The following PRKDC variants were observed in gnomAD, a reference collection of about 807,000 sequenced individuals.
The protein encoded by PRKDC is protein kinase, DNA-activated, catalytic subunit.
A neutral mutation model predicts 486.9 loss-of-function variants in PRKDC; 82 were observed. The observed-to-expected ratio is 0.17, with a 90% CI of 0.14 to 0.20. PRKDC has a LOEUF of 0.20. Ranked by LOEUF, PRKDC falls within the 10% of genes least tolerant of loss-of-function variation. The probability of loss-of-function intolerance (pLI) is 1.00; values close to 1 mark genes in which losing one functional copy is unlikely to be tolerated. For synonymous variants in PRKDC, 1,895 were observed against 1,837.0 expected (o/e 1.03, Z -0.81); for missense variants, 4,504 against 5,038.2 (o/e 0.89, Z 3.21).
chr8:47,856,921 A>G (rs2088554530), intron 49 of PRKDC, among the ~76,000 whole-genome samples: 2 of 152,252 alleles, frequency 1.3e-5, no homozygotes, highest in African/African-American at 2.4e-5. Context: ...AAACAAAACA[A>G]ACACCTGACA....
At chr8:47,904,806 T>C (rs2089744508) in intron 26 of PRKDC, 63 bp downstream of exon 26, 4 of 1,281,308 alleles carry the variant, frequency 3.1e-6, no homozygotes, top group African/African-American at 1.5e-5. Flanking sequence ...CATAAATAAA[T>C]AAACAAACAT....
Position 47,912,471 on chromosome 8 carries a change from A to G in PRKDC, c.2873T>C (p.Met958Thr), listed in dbSNP as rs1270327485. The change falls in exon 25 of 86, where the codon ATG becomes ACG. Residue 958 changes from methionine to threonine, a missense_variant. By Grantham distance (81) the Met-to-Thr change is moderately conservative (BLOSUM62 -1). Transcript: ENST00000314191. ...AAACGTCCGCTTATAGAGCTGGTAC[A>G]TGGGTGGGGCTCCCTGTCCCCCTTC... ...MPEGGQGAPP[M>T]YQLYKRTFPV... is the part of the protein sequence containing the mutation. 4 of 1,612,716 alleles carry G rather than the reference A, an allele frequency of 2.5e-6. No homozygotes were observed. The highest frequency in any genetic ancestry group is 1.3e-5 in the African/African-American group (1 of 74,898).
At position 47,858,955 on chromosome 8, in the gene PRKDC, ACAT is replaced by A; in HGVS notation, c.6236_6238del (p.Asp2079del). ...GAGCTCGTCCATCTCCAGCTCCAGC[ACAT>A]CATCATGCACCGTGGGGTCCCGCTG... On this transcript the variant is annotated inframe_deletion, in exon 47 of 86. Transcript: ENST00000314191. The A allele has an allele frequency of 6.2e-7, 1 of 1,613,610 alleles. No individual in the cohort carries two copies. The highest frequency in any genetic ancestry group is 8.5e-7 in the Non-Finnish European group (1 of 1,179,900).
rs1271044272 is a variant in PRKDC, at chr8:47,957,362, C to T, written c.224G>A (p.Ser75Asn). The T allele has an allele frequency of 1.3e-6, 2 of 1,597,838 alleles. No homozygotes were observed. Among genetic ancestry groups the T allele is most frequent in the Admixed American group, 3.5e-5 (2 of 57,274 alleles). Reference protein sequence around the residue: ...LLVFVRKSLNSIEFRECREEI... With the variant: ...LLVFVRKSLNNIEFRECREEI... ...CCAAAATTGTCAACTTACTTCAATA[C>T]TGTTGAGTGACTTCCGGACAAATAC... is the stretch of plus-strand genomic sequence containing the variant. The change falls in exon 2 of 86, where the codon AGT becomes AAT. Residue 75 changes from serine to asparagine, a missense_variant. Transcript: ENST00000314191.
intron 21 of PRKDC, among the ~76,000 whole-genome samples, chr8:47,921,362 T>C (rs967952654): frequency 2.0e-5 from 3 of 152,240 alleles, no homozygotes; most frequent in African/African-American, 7.2e-5. Context: ...TTGTGCAGCA[T>C]GCCAACTGGA....
chr8:47,837,843 A>G (rs2154499796), intron 56 of PRKDC, among the ~76,000 whole-genome samples: 1 of 152,314 alleles, frequency 6.6e-6, no homozygotes, highest in East Asian at 1.9e-4. Flanking sequence ...TTAATTAAAT[A>G]CCAAATTAGG....
chr8:47,926,612 A>C (rs1347297066), intron 21 of PRKDC, among the ~76,000 whole-genome samples: 1 of 152,148 alleles, frequency 6.6e-6, no homozygotes, highest in Non-Finnish European at 1.5e-5. Context: ...TTTTCATTCC[A>C]GTTTAAGTCT....
intron 71 of PRKDC, among the ~76,000 whole-genome samples, chr8:47,800,462 G>T (rs917160603): frequency 1.4e-5 from 2 of 144,902 alleles, no homozygotes; most frequent in African/African-American, 5.1e-5. Context: ...CTGTTGTGGG[G>T]TGGGGGGAAG....
At chr8:47,902,027 C>T (rs8178071) in intron 27 of PRKDC, among the ~76,000 whole-genome samples, 18,034 of 152,210 alleles carry the variant, frequency 0.12, 1,508 homozygotes, top group South Asian at 0.28. Flanking sequence ...GCACCCACTA[C>T]TCCACAGATC....
chr8:47,829,974 A>G (rs566583067), intron 61 of PRKDC, among the ~76,000 whole-genome samples: 1 of 152,222 alleles, frequency 6.6e-6, no homozygotes, highest in African/African-American at 2.4e-5. Context: ...AGCCAAAGCA[A>G]TCCTAAGCAA....
At chr8:47,901,349 C>T (rs557191872) in intron 27 of PRKDC, among the ~76,000 whole-genome samples, 1 of 151,958 alleles carries the variant, frequency 6.6e-6, no homozygotes, top group East Asian at 1.9e-4. Flanking sequence ...TGGCGGGCGC[C>T]TGTAATCCCA....
At chr8:47,861,759 C>G (rs906582584) in intron 44 of PRKDC, among the ~76,000 whole-genome samples, 1 of 152,250 alleles carries the variant, frequency 6.6e-6, no homozygotes, top group African/African-American at 2.4e-5. Context: ...CTGTAAGGAT[C>G]TCAACTTCTT....
rs754361620 is a variant in PRKDC, at chr8:47,879,645, G to C, written c.5081C>G (p.Thr1694Ser). ...LDLHLKGQAV[T>S]LLPFFTSLTG... ...GAGGCTGGTGAAGAATGGAAGAAGA[G>C]TGACAGCTTGGCCCTGTGGAGCAAG... The change falls in exon 39 of 86, where the codon ACT (threonine) becomes AGT (serine). Residue 1694 changes from threonine to serine, a missense_variant. Around this residue, in one of 6 missense-constraint regions of PRKDC, gnomAD observed 1,969 missense variants for 2,068.9 expected, o/e 0.95. Transcript: ENST00000314191. The C allele has an allele frequency of 1.5e-5, 24 of 1,579,622 alleles. No individual in the cohort carries two copies. In the African/African-American group the frequency reaches 2.6e-4, roughly 17 times the overall value.
intron 76 of PRKDC, among the ~76,000 whole-genome samples, chr8:47,787,163 C>T (rs1327226042): frequency 6.6e-6 from 1 of 152,158 alleles, no homozygotes; most frequent in African/African-American, 2.4e-5. Flanking sequence ...ATCTCAAGAG[C>T]ATTACTAGCA....
chr8:47,885,834 G>A (rs1171294141), intron 36 of PRKDC, 110 bp downstream of exon 36: 7 of 1,061,954 alleles, frequency 6.6e-6, no homozygotes, highest in Non-Finnish European at 9.8e-6. Context: ...AGAGGTTGCA[G>A]TCAGCAGAGA....
chr8:47,788,665 T>C (rs1248163532), intron 76 of PRKDC, among the ~76,000 whole-genome samples: 2 of 152,220 alleles, frequency 1.3e-5, no homozygotes, highest in Non-Finnish European at 2.9e-5. Context: ...AATCTGAGCA[T>C]GAACAACGTG....
In PRKDC at chr8:47,834,866, A is replaced by G. The variant is rs555244908; in HGVS notation, c.7952-470T>C. 2.6e-4 allele frequency among the ~76,000 whole-genome samples: 39 copies of G among 151,362 alleles called. No homozygotes were observed. The East Asian group carries it at 7.2e-3, about 28-fold the overall frequency. On this transcript the variant is annotated intron_variant, in intron 58 of 85. Transcript: ENST00000314191. ...CTACCACGCCCGGCTAATTTTTTGT[A>G]TTTTTAGTAGAGACGGGGTTTCACC...
At chr8:47,812,865 A>T (rs532607239) in intron 68 of PRKDC, among the ~76,000 whole-genome samples, 1 of 152,170 alleles carries the variant, frequency 6.6e-6, no homozygotes, top group Admixed American at 6.5e-5. Context: ...TAAAAAAGAG[A>T]ACACAAATAA....
intron 25 of PRKDC, among the ~76,000 whole-genome samples, chr8:47,906,111 G>C (rs886416388): frequency 1.3e-5 from 2 of 152,174 alleles, no homozygotes; most frequent in African/African-American, 4.8e-5. Context: ...ATTTTGAGAG[G>C]CCAAGTCGGG....
Sources: gnomAD v4.1 joint callset for allele counts (sites outside exome capture counted in the v4.1 genomes callset) on GRCh38, gnomAD v4.1.1 for gene constraint, gnomAD v4.1.1 regional missense constraint, MANE v1.5 for transcripts, NCBI Gene and HGNC (gene_info 2026-07-23, HGNC 2026-07-21) for gene names.